DLGAP1: variants seen among roughly 807,000 people sequenced by gnomAD.
The protein encoded by DLGAP1 is disks large-associated protein 1.
In DLGAP1, 11 loss-of-function variants were observed where a neutral mutation model predicts 90.8. The observed-to-expected ratio is 0.12, with a 90% CI of 0.08 to 0.20. The LOEUF is 0.20. DLGAP1 is among the 10% of genes least tolerant of loss of function. The pLI is 1.00. For synonymous variants in DLGAP1, 558 were observed against 540.7 expected (o/e 1.03, Z -0.44); for missense variants, 1,050 against 1,333.8 (o/e 0.79, Z 3.31).
chr18:3,987,352 C>T (rs777974684), intron 3 of DLGAP1, among the ~76,000 whole-genome samples: 2 of 151,968 alleles, frequency 1.3e-5, no homozygotes, highest in Non-Finnish European at 2.9e-5. Flanking sequence ...AATTTTGCTA[C>T]CAAAAAAAAG....
At chr18:4,265,663 C>CCCTCCCTCCCTTCCTTCCTT (rs1480684536) in intron 1 of DLGAP1, among the ~76,000 whole-genome samples, 14 of 54,288 alleles carry the variant, frequency 2.6e-4, no homozygotes, top group African/African-American at 2.1e-3. Context: ...CTCCCTCCCT[C>CCCTCCCTCCCTTCCTTCCTT]CCTTCCTTCC....
intron 3 of DLGAP1, chr18:3,894,635 CT>C (rs1360461645): frequency 2.6e-5 from 4 of 152,058 alleles, no homozygotes; most frequent in Admixed American, 2.6e-4. Context: ...TAGCTTTGTT[CT>C]TTTTGCTTAG....
intron 1 of DLGAP1, among the ~76,000 whole-genome samples, chr18:4,364,876 G>A (rs533609531): frequency 4.6e-5 from 7 of 152,100 alleles, no homozygotes; most frequent in East Asian, 1.9e-4. Context: ...CATTCATTTC[G>A]AAGAACTTCT....
intron 1 of DLGAP1, among the ~76,000 whole-genome samples, chr18:4,278,355 T>C (rs1480293011): frequency 2.0e-5 from 3 of 152,170 alleles, no homozygotes; most frequent in Non-Finnish European, 2.9e-5. Context: ...CATTGAGCAA[T>C]GGTACAGTCT....
At chr18:3,750,608 C>T (rs2063458308) in intron 5 of DLGAP1, among the ~76,000 whole-genome samples, 1 of 152,200 alleles carries the variant, frequency 6.6e-6, no homozygotes, top group African/African-American at 2.4e-5. Flanking sequence ...AACCATGCTC[C>T]TATCATGAGT....
At chr18:4,246,270 T>TAA (rs199707125) in intron 1 of DLGAP1, among the ~76,000 whole-genome samples, 1 of 151,022 alleles carries the variant, frequency 6.6e-6, no homozygotes, top group African/African-American at 2.4e-5. Context: ...CCTGATTTGA[T>TAA]AAAAAAAAGG....
chr18:4,135,585 C>A (rs758596849), intron 2 of DLGAP1, among the ~76,000 whole-genome samples: 1 of 152,078 alleles, frequency 6.6e-6, no homozygotes, highest in Non-Finnish European at 1.5e-5. Context: ...CATTAACTAT[C>A]TCTCATCCTC....
intron 1 of DLGAP1, among the ~76,000 whole-genome samples, chr18:4,354,301 T>TATGA (rs2081460208): frequency 6.6e-6 from 1 of 152,296 alleles, no homozygotes; most frequent in South Asian, 2.1e-4. Context: ...CTAACCTTCC[T>TATGA]CCACCTTGCT....
chr18:3,574,609 T>C (rs2054998278), intron 8 of DLGAP1, among the ~76,000 whole-genome samples: 1 of 152,130 alleles, frequency 6.6e-6, no homozygotes, highest in Non-Finnish European at 1.5e-5. Context: ...TAAGGTTCAT[T>C]AGTTTTGACT....
intron 7 of DLGAP1, chr18:3,593,777 G>C (rs1472006883): frequency 2.0e-5 from 3 of 152,158 alleles, no homozygotes; most frequent in Non-Finnish European, 2.9e-5. Flanking sequence ...GGGGAGAGCA[G>C]ATCTTTCAGA....
At chr18:3,658,396 T>A (rs906812697) in intron 7 of DLGAP1, among the ~76,000 whole-genome samples, 3 of 152,228 alleles carry the variant, frequency 2.0e-5, no homozygotes, top group African/African-American at 7.2e-5. Flanking sequence ...ACCACTGCCA[T>A]AACTGATGCT....
chr18:3,906,837 G>T (rs547839681), intron 3 of DLGAP1, among the ~76,000 whole-genome samples: 14 of 152,238 alleles, frequency 9.2e-5, no homozygotes, highest in Non-Finnish European at 1.8e-4. Context: ...TGTGGTTTAC[G>T]CAAGAAAGAG....
chr18:3,578,239 C>G (rs1385417656), intron 8 of DLGAP1, among the ~76,000 whole-genome samples: 1 of 152,144 alleles, frequency 6.6e-6, no homozygotes, highest in Non-Finnish European at 1.5e-5. Context: ...GGATTGGAAA[C>G]TCTGGCCCTA....
chr18:3,620,174 T>C (rs2058043535), intron 7 of DLGAP1, among the ~76,000 whole-genome samples: 2 of 152,092 alleles, frequency 1.3e-5, no homozygotes, highest in South Asian at 4.1e-4. Context: ...GAGGTCCTTA[T>C]AAGAGGGAGG....
At chr18:4,221,506 G>C (rs1011042110) in intron 1 of DLGAP1, among the ~76,000 whole-genome samples, 1 of 152,076 alleles carries the variant, frequency 6.6e-6, no homozygotes, top group Admixed American at 6.6e-5. Flanking sequence ...CCAAGAAGCA[G>C]CTTTTAGAGT....
At chr18:3,858,436 T>C (rs1284838658) in intron 4 of DLGAP1, among the ~76,000 whole-genome samples, 9 of 151,186 alleles carry the variant, frequency 6.0e-5, no homozygotes, top group Admixed American at 5.3e-4. Flanking sequence ...TGCTCACAAG[T>C]GTCTGAATTA....
intron 10 of DLGAP1, among the ~76,000 whole-genome samples, chr18:3,514,703 A>G (rs1568109222): frequency 6.6e-6 from 1 of 152,176 alleles, no homozygotes; most frequent in Non-Finnish European, 1.5e-5. Flanking sequence ...TAGTCTGTTA[A>G]GTGTGTCATA....
chr18:4,138,869 G>A (rs2076449419), intron 2 of DLGAP1, among the ~76,000 whole-genome samples: 1 of 151,936 alleles, frequency 6.6e-6, no homozygotes, highest in Admixed American at 6.6e-5. Flanking sequence ...AATATTAGTA[G>A]GTTGTATGTG....
At chr18:3,668,426 C>G (rs545740924) in intron 7 of DLGAP1, among the ~76,000 whole-genome samples, 6 of 152,278 alleles carry the variant, frequency 3.9e-5, no homozygotes, top group South Asian at 2.1e-4. Flanking sequence ...GATCCTCCCC[C>G]CTCAGCCTCC....
Sources: gnomAD v4.1 joint callset for allele counts (sites outside exome capture counted in the v4.1 genomes callset) on GRCh38, gnomAD v4.1.1 for gene constraint, MANE v1.5 for transcripts, NCBI Gene and HGNC (gene_info 2026-07-23, HGNC 2026-07-21) for gene names.